The following GRM7 variants were observed in gnomAD, a reference collection of about 807,000 sequenced individuals.
GRM7 encodes the protein metabotropic glutamate receptor 7.
In GRM7, 35 loss-of-function variants were observed where a neutral mutation model predicts 84.5. The ratio of observed to expected loss-of-function variants is 0.41; its 90% confidence interval spans 0.32 to 0.55. The LOEUF (loss-of-function observed/expected upper bound fraction) is 0.55. GRM7 is among the 20% of genes least tolerant of loss of function. The pLI, the probability that GRM7 is intolerant of heterozygous loss-of-function variation, is 0.19. For synonymous variants in GRM7, 487 were observed against 455.1 expected, an observed-to-expected ratio of 1.07 and a Z score of -0.89; for missense variants, 1,003 against 1,194.6, an observed-to-expected ratio of 0.84 and a Z score of 2.36.
In GRM7 at chr3:7,385,181, A is replaced by C. The variant is rs1012143830; in HGVS notation, c.1034-29842A>C. ...GGAGATTAAGTCATTATATTTGACA[A>C]TATAGAATGTGACTTATTTCTCTTA... On this transcript the variant is annotated intron_variant, in intron 4 of 9. Transcript: ENST00000357716. 3.3e-5 allele frequency among the ~76,000 whole-genome samples: 5 copies of C among 151,894 alleles called. No individual in the cohort carries two copies. The East Asian group carries it at 9.6e-4, about 29-fold the overall frequency.
chr3:7,312,860 C>G (rs1332441470), intron 4 of GRM7, among the ~76,000 whole-genome samples: 2 of 152,010 alleles, frequency 1.3e-5, no homozygotes, highest in Non-Finnish European at 2.9e-5. Context: ...TGTGATTGTC[C>G]CAGCCAAACC....
At chr3:7,714,636 G>C (rs1039979348) in intron 9 of GRM7, among the ~76,000 whole-genome samples, 3 of 152,094 alleles carry the variant, frequency 2.0e-5, no homozygotes, top group Non-Finnish European at 4.4e-5. Flanking sequence ...GCACAAGTTT[G>C]CTCTCCCAAT....
In GRM7 at chr3:7,486,518, T is replaced by C. The variant is rs1699328644; in HGVS notation, c.1515+24796T>C. Among the ~76,000 whole-genome samples, 1 of 152,112 alleles carries C rather than the reference T, an allele frequency of 6.6e-6. No individual in the cohort carries two copies. The highest frequency in any genetic ancestry group is 1.5e-5 in the Non-Finnish European group (1 of 68,028). ...ACTGGGAGAGTGAGTGAGTTTTTGC[T>C]TTCCTGGACTGGATTATTTGCCAGA... On this transcript the variant is annotated intron_variant, in intron 7 of 9. Transcript: ENST00000357716. The surrounding 1 kb of genome is among the most constrained non-coding windows in gnomAD (Gnocchi z 5.5).
chr3:6,970,941 G>T (rs972667943), intron 1 of GRM7, among the ~76,000 whole-genome samples: 4 of 151,772 alleles, frequency 2.6e-5, no homozygotes, highest in Non-Finnish European at 5.9e-5. Context: ...AAGATCGTAC[G>T]ACTACACTCC....
intron 6 of GRM7, among the ~76,000 whole-genome samples, chr3:7,454,379 G>A (rs1280622010): frequency 6.6e-6 from 1 of 152,042 alleles, no homozygotes; most frequent in Admixed American, 6.6e-5. Context: ...TGTTTCACAT[G>A]CCAACAGCTA....
intron 1 of GRM7, among the ~76,000 whole-genome samples, chr3:7,089,221 G>T (rs1191911579): frequency 6.6e-6 from 1 of 152,084 alleles, no homozygotes; most frequent in African/African-American, 2.4e-5. Flanking sequence ...AAAATCTATA[G>T]AAGAGAAAAT....
chr3:6,977,298 T>A (rs1694037839), intron 1 of GRM7, among the ~76,000 whole-genome samples: 2 of 152,148 alleles, frequency 1.3e-5, no homozygotes, highest in African/African-American at 2.4e-5. Context: ...TTTGATATCC[T>A]GTATTGAGAC....
rs1332299793 is a variant in GRM7, at chr3:7,724,331, CTT to C, written c.2699-16024_2699-16023del. ...AGCCATAACCGATTTCTAGTGTACT[CTT>C]TCATTTATTCAGTAGAAGCCACTCT... On this transcript the variant is annotated intron_variant, in intron 9 of 9. Coordinates refer to ENST00000357716, the MANE Select transcript of GRM7 (RefSeq NM_000844.4). Among the ~76,000 whole-genome samples, 3 of 152,162 alleles carry C rather than the reference CTT, an allele frequency of 2.0e-5. No homozygotes were observed. In the East Asian group the frequency reaches 5.8e-4, roughly 29 times the overall value.
chr3:6,935,836 C>T (rs1393294792), intron 1 of GRM7, among the ~76,000 whole-genome samples: 12 of 151,974 alleles, frequency 7.9e-5, no homozygotes. Context: ...GCTTGGATTA[C>T]AGGTGTGTGC....
Position 6,965,143 on chromosome 3 carries a change from G to T in GRM7, c.519+103236G>T, listed in dbSNP as rs775147352. On this transcript the variant is annotated intron_variant, in intron 1 of 9. Coordinates refer to ENST00000357716, the MANE Select transcript of GRM7 (RefSeq NM_000844.4). The stretch of plus-strand genomic sequence containing the variant: ...TAAATGATGAGCAAAAAGACCCTAG[G>T]TGGGAGAGAGCCTGCCACTTCCCCC... Among the ~76,000 whole-genome samples the T allele has an allele frequency of 7.8e-4, 119 of 152,182 alleles. 1 individual carries two copies. The Middle Eastern group carries it at 0.017, about 22-fold the overall frequency.
At position 7,183,353 on chromosome 3, in the gene GRM7, G is replaced by A. The variant is rs146419818; in HGVS notation, c.736+36685G>A. On this transcript the variant is annotated intron_variant, in intron 2 of 9. Coordinates refer to ENST00000357716, the MANE Select transcript of GRM7 (RefSeq NM_000844.4). ...GATAGAAAAAATAATGAAGCTGGGC[G>A]TGGTGGCTCACGCCTGTAATCCCGG... 9.5e-4 allele frequency among the ~76,000 whole-genome samples: 144 copies of A among 152,318 alleles called. 1 individual carries two copies. The highest frequency in any genetic ancestry group is 3.3e-3 in the African/African-American group (139 of 41,574).
chr3:7,517,809 C>A (rs1165320745), intron 7 of GRM7, among the ~76,000 whole-genome samples: 3 of 152,204 alleles, frequency 2.0e-5, no homozygotes, highest in Non-Finnish European at 4.4e-5. Context: ...TACATCTGAA[C>A]TTCTTTTATC....
At chr3:7,018,465 CT>C (rs1695653547) in intron 1 of GRM7, among the ~76,000 whole-genome samples, 1 of 152,256 alleles carries the variant, frequency 6.6e-6, no homozygotes, top group Admixed American at 6.5e-5. Flanking sequence ...AAACTTTTAT[CT>C]ATCACCCTTT....
chr3:7,635,168 G>A (rs1005795078), intron 8 of GRM7, among the ~76,000 whole-genome samples: 2 of 152,190 alleles, frequency 1.3e-5, no homozygotes, highest in Admixed American at 6.5e-5. Context: ...GCTAATGGCC[G>A]CCATCTGGAA....
At chr3:6,883,127 C>T (rs1300307681) in intron 1 of GRM7, among the ~76,000 whole-genome samples, 3 of 152,154 alleles carry the variant, frequency 2.0e-5, no homozygotes, top group Non-Finnish European at 4.4e-5. Flanking sequence ...ATGAGACCTA[C>T]ATGATTCTAA....
rs909772879 is a variant in GRM7, at chr3:7,211,264, A to G, written c.736+64596A>G. ...AAACTCTAATAGAATTTTGCAAACT[A>G]CAGTGTGCATCCAAAATACCTGAGC... On this transcript the variant is annotated intron_variant, in intron 2 of 9. Transcript: ENST00000357716. Among the ~76,000 whole-genome samples the G allele has an allele frequency of 2.0e-5, 3 of 152,358 alleles. No homozygotes were observed. In the South Asian group the frequency reaches 6.2e-4, roughly 32 times the overall value.
chr3:7,290,229 A>T (rs1699575790), intron 2 of GRM7, among the ~76,000 whole-genome samples: 1 of 152,158 alleles, frequency 6.6e-6, no homozygotes, highest in African/African-American at 2.4e-5. Flanking sequence ...AATCAATCAA[A>T]CTTAATGGCA....
chr3:7,582,789 T>C (rs2125056517), intron 8 of GRM7, among the ~76,000 whole-genome samples: 2 of 152,222 alleles, frequency 1.3e-5, no homozygotes, highest in East Asian at 3.9e-4. Context: ...TTCTTCAAAT[T>C]GTGTTCATGG....
chr3:6,861,186 G>A lies in GRM7; in HGVS notation c.-203G>A, dbSNP rs993719329. On this transcript the variant is annotated 5_prime_UTR_variant, in exon 1 of 10. Transcript: ENST00000357716. The surrounding 1 kb of genome is among the most constrained non-coding windows in gnomAD (Gnocchi z 6.4). Reference sequence around the variant, plus strand: ...GCGCGGCGCGCCGGCCGGCTAACCCGAGAGCGCGAGGCGCCCCAGGCTGGC... The same window carrying A: ...GCGCGGCGCGCCGGCCGGCTAACCCAAGAGCGCGAGGCGCCCCAGGCTGGC... 1.6e-4 allele frequency: 71 copies of A among 449,448 alleles called. No homozygotes were observed. Among genetic ancestry groups the A allele is most frequent in the Non-Finnish European group, 2.2e-4 (57 of 260,780 alleles). The allele number at this position is 449,448 out of a possible 1,614,324, so 27.8% of individuals were successfully genotyped here.
Sources: gnomAD v4.1 joint callset for allele counts (sites outside exome capture counted in the v4.1 genomes callset) on GRCh38, gnomAD v4.1.1 for gene constraint, Gnocchi (gnomAD v3.1) non-coding constraint, MANE v1.5 for transcripts, NCBI Gene and HGNC (gene_info 2026-07-23, HGNC 2026-07-21) for gene names.